The following TOP2A variants were observed in gnomAD, a reference collection of about 807,000 sequenced individuals.
The protein encoded by TOP2A is DNA topoisomerase II alpha, also known as DNA topoisomerase 2-alpha.
In TOP2A, 68 loss-of-function variants were observed where a neutral mutation model predicts 187.2. The observed-to-expected ratio is 0.36, with a 90% confidence interval of 0.30 to 0.44. TOP2A has a LOEUF of 0.44. TOP2A is among the 20% of genes least tolerant of loss of function. The probability of loss-of-function intolerance (pLI) is 1.00; values close to 1 mark genes in which losing one functional copy is unlikely to be tolerated. For synonymous variants in TOP2A, 542 were observed against 593.2 expected, an observed-to-expected ratio of 0.91 and a Z score of 1.25; for missense variants, 1,196 against 1,808.7, an observed-to-expected ratio of 0.66 and a Z score of 6.14.
chr17:40,416,166 A>T (rs1306137023), intron 3 of TOP2A, 98 bp from the exon 4 acceptor site: 1 of 987,678 alleles, frequency 1.0e-6, no homozygotes, highest in Non-Finnish European at 1.5e-6. Context: ...CCCAAACAGC[A>T]CAGGAGTGGC....
Position 40,406,696 on chromosome 17 carries a change from T to C in TOP2A, c.1738-7A>G. On this transcript the variant is annotated splice_polypyrimidine_tract_variant and splice_region_variant and intron_variant, in intron 14 of 34. Transcript: ENST00000423485. ...CTTGCTTGTTTTTAGATACCTGTGA[T>C]AAAAAACAATGACTGTGGCTTTGTA... The C allele has an allele frequency of 6.2e-7, 1 of 1,609,118 alleles. No individual in the cohort carries two copies.
Position 40,396,428 on chromosome 17 carries a change from C to T in TOP2A, c.3575G>A (p.Gly1192Glu). 6.2e-7 allele frequency: 1 copy of T among 1,613,834 alleles called. No individual in the cohort carries two copies. Among genetic ancestry groups the T allele is most frequent in the South Asian group, 1.1e-5 (1 of 91,068 alleles). ...EAKEKQDEQV[G>E]LPGKGGKAKG... ...GGCCTTCCCCCCTTTCCCAGGAAGT[C>T]CGACTTGTTCATCTTGTTTTTCCTT... Residue 1192 changes from glycine to glutamate, a missense_variant, in exon 28 of 35, where the codon GGA becomes GAA. Physicochemically the swap from Gly to Glu is moderately conservative, Grantham distance 98. Transcript: ENST00000423485.
At chr17:40,405,267 A>G (rs2035225878) in intron 16 of TOP2A, among the ~76,000 whole-genome samples, 1 of 151,506 alleles carries the variant, frequency 6.6e-6, no homozygotes, top group South Asian at 2.1e-4. Context: ...CTCCTGCCTC[A>G]GCCTCCCGTG....
Position 40,408,030 on chromosome 17 carries a change from G to A in TOP2A, c.1437C>T (p.Asp479=). ...AVSGLGVVGR[D]KYGVFPLRGK... ...CTCTAAGAGGGAAAACCCCATATTT[G>A]TCTCTCCCAACCACACCAAGGCCTG... Residue 479 remains aspartate (D), a synonymous_variant, in exon 12 of 35, where the codon GAC becomes GAT. Transcript: ENST00000423485. 1 of 1,613,640 alleles carries A rather than the reference G, an allele frequency of 6.2e-7. No homozygotes were observed. The highest frequency in any genetic ancestry group is 8.5e-7 in the Non-Finnish European group (1 of 1,179,704).
intron 10 of TOP2A, 148 bp downstream of exon 10, chr17:40,410,961 T>C (rs932888042): frequency 6.5e-6 from 5 of 768,712 alleles, no homozygotes; most frequent in Non-Finnish European, 8.0e-6. Flanking sequence ...GTAAATCAGT[T>C]AAAGTAAAGC....
At chr17:40,403,111 G>A in intron 19 of TOP2A, 57 bp from the exon 20 acceptor site, 1 of 1,481,050 alleles carries the variant, frequency 6.8e-7, no homozygotes, top group Non-Finnish European at 9.2e-7. Context: ...AATACATTAT[G>A]ACTTAACCTC....
At chr17:40,413,662 C>A in intron 4 of TOP2A, 37 bp from the exon 5 acceptor site, 2 of 1,019,350 alleles carry the variant, frequency 2.0e-6, no homozygotes, top group South Asian at 1.9e-5. Context: ...TTTTACAACA[C>A]ATTAAACGAA....
At position 40,401,094 on chromosome 17, in the gene TOP2A, A is replaced by T; in HGVS notation, c.2433-13T>A. 6.2e-7 allele frequency: 1 copy of T among 1,602,464 alleles called. No homozygotes were observed. Among genetic ancestry groups the T allele is most frequent in the South Asian group, 1.1e-5 (1 of 90,278 alleles). ...TCGAGCCAAAGAGCTAAAGAAAAGA[A>T]ACAAAGAATGTTATTTTACAAAAAT... On this transcript the variant is annotated splice_polypyrimidine_tract_variant and intron_variant, in intron 20 of 34. Transcript: ENST00000423485.
At chr17:40,413,318 T>C (rs1477206739) in intron 5 of TOP2A, 26 bp from the exon 6 acceptor site, 1 of 1,519,474 alleles carries the variant, frequency 6.6e-7, no homozygotes, top group African/African-American at 1.4e-5. Flanking sequence ...TGAAACACTA[T>C]TTTATTGTTA....
chr17:40,389,746 T>C, intron 34 of TOP2A, 99 bp from the exon 35 acceptor site: 1 of 1,436,374 alleles, frequency 7.0e-7, no homozygotes, highest in South Asian at 1.4e-5. Context: ...AGGAGTTTTC[T>C]ATTTTCTACC....
intron 4 of TOP2A, among the ~76,000 whole-genome samples, chr17:40,414,942 TTTAAG>T (rs1235024469): frequency 6.6e-6 from 1 of 152,014 alleles, no homozygotes; most frequent in Non-Finnish European, 1.5e-5. Flanking sequence ...TTTCAGTTAT[TTTAAG>T]TTAATTCTTG....
intron 17 of TOP2A, 126 bp downstream of exon 17, chr17:40,404,665 C>T: frequency 2.6e-6 from 2 of 754,948 alleles, no homozygotes; most frequent in Non-Finnish European, 4.4e-6. Context: ...AATTTAACTG[C>T]TGCACAACTC....
At chr17:40,409,311 G>T (rs2143674249) in intron 10 of TOP2A, 1 of 358,674 alleles carries the variant, frequency 2.8e-6, no homozygotes, top group Non-Finnish European at 5.3e-6. Context: ...GGGAGGCGCG[G>T]GTTGCAGTGA....
chr17:40,396,430 G>C lies in TOP2A; in HGVS notation c.3573C>G (p.Val1191=), dbSNP rs750293929. 6.2e-7 allele frequency: 1 copy of C among 1,613,666 alleles called. No homozygotes were observed. ...VEAKEKQDEQ[V]GLPGKGGKAK... ...CCTTCCCCCCTTTCCCAGGAAGTCC[G>C]ACTTGTTCATCTTGTTTTTCCTTGG... is the stretch of plus-strand genomic sequence containing the variant. The change falls in exon 28 of 35, where the codon GTC becomes GTG. Residue 1191 remains valine (V), a synonymous_variant. Transcript: ENST00000423485.
chr17:40,395,144 G>C (rs184122189), intron 29 of TOP2A, among the ~76,000 whole-genome samples: 16 of 152,022 alleles, frequency 1.1e-4, no homozygotes, highest in Non-Finnish European at 1.3e-4. Flanking sequence ...GCAGCCAGGC[G>C]TGGTGGCATG....
At position 40,406,474 on chromosome 17, in the gene TOP2A, T is replaced by C. The variant is rs1166727091; in HGVS notation, c.1863A>G (p.Ser621=). ...KYYKGLGTST[S]KEAKEYFADM... ...CTGCAAAGTATTCTTTAGCTTCCTT[T>C]GATGTGCTGGTGCCCAAACCTATAA... The change falls in exon 16 of 35, where the codon TCA becomes TCG. Residue 621 remains serine (S), a synonymous_variant. Coordinates refer to ENST00000423485, the MANE Select transcript of TOP2A (RefSeq NM_001067.4). 1 of 1,613,788 alleles carries C rather than the reference T, an allele frequency of 6.2e-7. No individual in the cohort carries two copies. Among genetic ancestry groups the C allele is most frequent in the East Asian group, 2.2e-5 (1 of 44,872 alleles).
chr17:40,392,483 C>T, intron 30 of TOP2A, 102 bp downstream of exon 30: 1 of 1,470,290 alleles, frequency 6.8e-7, no homozygotes, highest in Non-Finnish European at 9.2e-7. Flanking sequence ...ACATAATTTA[C>T]TGCTCTATTA....
chr17:40,390,474 G>A (rs1391994286), intron 33 of TOP2A, among the ~76,000 whole-genome samples: 1 of 151,994 alleles, frequency 6.6e-6, no homozygotes. Context: ...ACAGGCATGA[G>A]CAACCGCGCC....
At chr17:40,412,707 G>A in intron 7 of TOP2A, 52 bp downstream of exon 7, 1 of 1,463,632 alleles carries the variant, frequency 6.8e-7, no homozygotes, top group South Asian at 1.2e-5. Context: ...TTTTGCACTT[G>A]ACAATGATTA....
Sources: allele counts gnomAD v4.1 joint callset (sites outside exome capture counted in the v4.1 genomes callset), GRCh38; gene constraint gnomAD v4.1.1; transcripts MANE v1.5; gene names NCBI Gene and HGNC (gene_info 2026-07-23, HGNC 2026-07-21).